GRK5: variants seen among roughly 807,000 people sequenced by gnomAD.
GRK5 encodes G protein-coupled receptor kinase 5.
In GRK5, 40 loss-of-function variants were observed where a neutral mutation model predicts 78.4. The ratio of observed to expected loss-of-function variants is 0.51; its 90% CI spans 0.40 to 0.66. GRK5 has a LOEUF of 0.66. Ranked by LOEUF, GRK5 falls within the 30% of genes least tolerant of loss-of-function variation. GRK5 has a pLI of 0.00. For synonymous variants in GRK5, 289 were observed against 296.8 expected, an observed-to-expected ratio of 0.97 and a Z score of 0.27; for missense variants, 598 against 759.9, an observed-to-expected ratio of 0.79 and a Z score of 2.50.
At chr10:119,291,570 TTCC>T (rs751370931) in intron 1 of GRK5, among the ~76,000 whole-genome samples, 25 of 86,036 alleles carry the variant, frequency 2.9e-4, no homozygotes, top group African/African-American at 5.8e-4. Flanking sequence ...CCTCCTCCTC[TTCC>T]TCCTCCTCCT....
chr10:119,296,822 T>C (rs1312109625), intron 1 of GRK5, among the ~76,000 whole-genome samples: 1 of 152,238 alleles, frequency 6.6e-6, no homozygotes, highest in Non-Finnish European at 1.5e-5. Flanking sequence ...AGGTGACTCG[T>C]CCACAAGCAG....
chr10:119,322,030 G>C (rs1440537816), intron 1 of GRK5, among the ~76,000 whole-genome samples: 1 of 152,236 alleles, frequency 6.6e-6, no homozygotes, highest in African/African-American at 2.4e-5. Flanking sequence ...ACCCAGGCTA[G>C]AGTGCAGTGG....
chr10:119,424,924 C>T, intron 5 of GRK5, 69 bp from the exon 6 acceptor site: 4 of 1,111,324 alleles, frequency 3.6e-6, no homozygotes, highest in East Asian at 4.7e-5. Flanking sequence ...CAAAGCTGGA[C>T]ACAGCTTTGC....
intron 4 of GRK5, among the ~76,000 whole-genome samples, chr10:119,402,477 C>T (rs1852166569): frequency 6.6e-6 from 1 of 152,124 alleles, no homozygotes; most frequent in Non-Finnish European, 1.5e-5. Flanking sequence ...TGAGGTGGCC[C>T]AGGAAATGTT....
intron 1 of GRK5, among the ~76,000 whole-genome samples, chr10:119,228,956 C>T (rs1320526336): frequency 1.3e-5 from 2 of 152,162 alleles, no homozygotes; most frequent in Non-Finnish European, 2.9e-5. Context: ...ATTCTTGAAA[C>T]TCTTCTTGGA....
At chr10:119,276,063 G>A (rs1294009748) in intron 1 of GRK5, among the ~76,000 whole-genome samples, 5 of 152,122 alleles carry the variant, frequency 3.3e-5, no homozygotes, top group African/African-American at 1.2e-4. Context: ...GCTGGGATAC[G>A]CTGGGTTTTG....
chr10:119,324,622 T>C (rs1850643204), intron 1 of GRK5, among the ~76,000 whole-genome samples: 1 of 151,882 alleles, frequency 6.6e-6, no homozygotes, highest in African/African-American at 2.4e-5. Context: ...AGAGTGAGAC[T>C]CTGTCTCAAA....
intron 1 of GRK5, among the ~76,000 whole-genome samples, chr10:119,230,062 G>A (rs1284676464): frequency 6.6e-6 from 1 of 152,168 alleles, no homozygotes; most frequent in African/African-American, 2.4e-5. Context: ...GGAACAGCTT[G>A]TGGTGGCCCC....
At chr10:119,291,624 C>G (rs1849961311) in intron 1 of GRK5, among the ~76,000 whole-genome samples, 1 of 147,462 alleles carries the variant, frequency 6.8e-6, no homozygotes, top group Non-Finnish European at 1.5e-5. Context: ...CTTCTTCCTC[C>G]TCTTCCTCCT....
At chr10:119,301,482 A>G (rs937907813) in intron 1 of GRK5, among the ~76,000 whole-genome samples, 1 of 152,182 alleles carries the variant, frequency 6.6e-6, no homozygotes, top group African/African-American at 2.4e-5. Context: ...CGAAGTACAC[A>G]GGGTGTGGAC....
chr10:119,277,202 C>T (rs772941583), intron 1 of GRK5, among the ~76,000 whole-genome samples: 5 of 152,048 alleles, frequency 3.3e-5, no homozygotes, highest in Admixed American at 2.6e-4. Context: ...TGTCGGGTGC[C>T]GACACCTTGA....
chr10:119,293,274 C>G (rs928792807), intron 1 of GRK5, among the ~76,000 whole-genome samples: 5 of 152,164 alleles, frequency 3.3e-5, no homozygotes, highest in African/African-American at 1.2e-4. Context: ...GATTCCAGCA[C>G]TTTGGGAGGC....
intron 1 of GRK5, among the ~76,000 whole-genome samples, chr10:119,281,482 C>T (rs1270658241): frequency 6.6e-6 from 1 of 152,200 alleles, no homozygotes. Context: ...TCATTTTGGC[C>T]ATGTCTGTGC....
chr10:119,360,741 T>TTCCTCCC (rs995189006), intron 2 of GRK5, among the ~76,000 whole-genome samples: 1 of 152,178 alleles, frequency 6.6e-6, no homozygotes, highest in Non-Finnish European at 1.5e-5. Context: ...GTCCGTCCTC[T>TTCCTCCC]TCCTCCCTCC....
chr10:119,295,959 T>TA (rs918029955), intron 1 of GRK5, among the ~76,000 whole-genome samples: 10 of 151,888 alleles, frequency 6.6e-5, no homozygotes, highest in Non-Finnish European at 1.2e-4. Flanking sequence ...AAAATAATAA[T>TA]AAAAAAAGAA....
At chr10:119,348,645 A>G (rs1851141390) in intron 2 of GRK5, among the ~76,000 whole-genome samples, 1 of 152,296 alleles carries the variant, frequency 6.6e-6, no homozygotes, top group East Asian at 1.9e-4. Flanking sequence ...TATGTGGCTC[A>G]GGGAATGGGC....
intron 2 of GRK5, among the ~76,000 whole-genome samples, chr10:119,326,825 TG>T (rs1198260826): frequency 1.3e-5 from 2 of 152,262 alleles, no homozygotes; most frequent in African/African-American, 4.8e-5. Flanking sequence ...ATTGAATATA[TG>T]GCATGTGCCG....
chr10:119,248,078 C>G (rs866079748), intron 1 of GRK5, among the ~76,000 whole-genome samples: 61 of 152,156 alleles, frequency 4.0e-4, no homozygotes, highest in African/African-American at 1.4e-3. Flanking sequence ...CTGGTGTGAT[C>G]ATAGCTCACT....
At position 119,344,872 on chromosome 10, in the gene GRK5, C is replaced by CCGTTCCTTCCTTCCTTCCTTCCTTCCTT. The variant is rs1650149707; in HGVS notation, c.148+18262_148+18263insGTTCCTTCCTTCCTTCCTTCCTTCCTTC. On this transcript the variant is annotated intron_variant, in intron 2 of 15. Transcript: ENST00000392870. ...CTTGGCCAGCCAGCCACAAGACCCA[C>CCGTTCCTTCCTTCCTTCCTTCCTTCCTT]CCTTCCTTCCTTCCTTCCTTCCTTC... Among the ~76,000 whole-genome samples, 4 of 73,720 alleles carry CCGTTCCTTCCTTCCTTCCTTCCTTCCTT rather than the reference C, an allele frequency of 5.4e-5. No individual in the cohort carries two copies. The Admixed American group carries it at 5.9e-4, about 11-fold the overall frequency. The allele number at this position is 73,720 out of a possible 152,430, so 48.4% of individuals were successfully genotyped here. A position where few individuals can be genotyped will look rare whatever the true frequency, so the allele number is the denominator to read the frequency against.
Sources: gnomAD v4.1 joint callset for allele counts (sites outside exome capture counted in the v4.1 genomes callset) on GRCh38, gnomAD v4.1.1 for gene constraint, MANE v1.5 for transcripts, NCBI Gene and HGNC (gene_info 2026-07-23, HGNC 2026-07-21) for gene names.